ARHGAP42: variants seen among roughly 807,000 people sequenced by gnomAD.
ARHGAP42 encodes rho GTPase-activating protein 42.
In ARHGAP42, 63 loss-of-function variants were observed where a neutral mutation model predicts 125.0. The observed-to-expected ratio is 0.50, with a 90% CI of 0.41 to 0.62. The LOEUF (loss-of-function observed/expected upper bound fraction) is 0.62, where lower values mean the gene tolerates loss of function less well. ARHGAP42 is among the 20% of genes least tolerant of loss of function. The pLI is 0.00. For missense variants in ARHGAP42, 766 were observed against 1,024.2 expected (o/e 0.75, Z 3.44); for synonymous variants, 339 against 351.0 (o/e 0.97, Z 0.38).
At chr11:100,748,358 G>A (rs984632230) in intron 1 of ARHGAP42, among the ~76,000 whole-genome samples, 4 of 151,624 alleles carry the variant, frequency 2.6e-5, no homozygotes, top group African/African-American at 2.4e-5. Flanking sequence ...TACCCATTGT[G>A]TCTTTTTCCC....
intron 4 of ARHGAP42, among the ~76,000 whole-genome samples, chr11:100,895,171 C>T (rs563542158): frequency 6.6e-6 from 1 of 152,204 alleles, no homozygotes; most frequent in South Asian, 2.1e-4. Context: ...AGTGGTAAAA[C>T]GGAGAGGACA....
intron 1 of ARHGAP42, among the ~76,000 whole-genome samples, chr11:100,769,466 GT>G (rs755191082): frequency 6.6e-6 from 1 of 152,070 alleles, no homozygotes; most frequent in Non-Finnish European, 1.5e-5. Context: ...CTTTTTCTGG[GT>G]TTAGTCAGAC....
chr11:100,749,313 C>G (rs962426075), intron 1 of ARHGAP42, among the ~76,000 whole-genome samples: 1 of 148,962 alleles, frequency 6.7e-6, no homozygotes, highest in African/African-American at 2.5e-5. Flanking sequence ...GCCCCAGAAG[C>G]CTCAACCCCT....
intron 1 of ARHGAP42, among the ~76,000 whole-genome samples, chr11:100,762,970 ATTTTTTTTTTT>A (rs553749625): frequency 4.7e-5 from 4 of 84,992 alleles, no homozygotes; most frequent in African/African-American, 2.0e-4. Flanking sequence ...GTTTATAGTG[ATTTTTTTTTTT>A]TTTTTTTTTT....
chr11:100,811,936 CT>C (rs1453083559), intron 3 of ARHGAP42, among the ~76,000 whole-genome samples: 1 of 152,078 alleles, frequency 6.6e-6, no homozygotes, highest in Admixed American at 6.6e-5. Context: ...TTTTCAATTT[CT>C]TTTTTAAAAC....
chr11:100,715,775 G>A (rs1191440629), intron 1 of ARHGAP42, among the ~76,000 whole-genome samples: 1 of 152,158 alleles, frequency 6.6e-6, no homozygotes, highest in Non-Finnish European at 1.5e-5. Context: ...GATTGATACT[G>A]GTGCACTGTA....
intron 17 of ARHGAP42, among the ~76,000 whole-genome samples, chr11:100,968,601 T>C (rs1565299660): frequency 6.6e-6 from 1 of 152,174 alleles, no homozygotes; most frequent in Non-Finnish European, 1.5e-5. Context: ...TAATGCTTCT[T>C]AATGAAGTTG....
intron 4 of ARHGAP42, among the ~76,000 whole-genome samples, chr11:100,865,835 G>A (rs1227931167): frequency 6.6e-6 from 1 of 152,138 alleles, no homozygotes; most frequent in Non-Finnish European, 1.5e-5. Context: ...GAAGGATCTT[G>A]CCTCGATGTT....
chr11:100,986,056 TCTCA>T (rs758331075), intron 22 of ARHGAP42: 1 of 456,698 alleles, frequency 2.2e-6, no homozygotes, highest in South Asian at 1.5e-5. Flanking sequence ...CTTTCCTTTT[TCTCA>T]CTCATTCATT....
At chr11:100,984,108 C>A (rs543103461) in intron 22 of ARHGAP42, among the ~76,000 whole-genome samples, 12 of 150,028 alleles carry the variant, frequency 8.0e-5, no homozygotes, top group Admixed American at 4.7e-4. Flanking sequence ...CCCAGTGAGA[C>A]CCTGTCTAAA....
chr11:100,834,655 T>C (rs1295486140), intron 3 of ARHGAP42, among the ~76,000 whole-genome samples: 1 of 151,962 alleles, frequency 6.6e-6, no homozygotes, highest in African/African-American at 2.4e-5. Flanking sequence ...CCCATTAGTA[T>C]TGGGGGCACT....
chr11:100,881,421 T>C (rs1182417568), intron 4 of ARHGAP42, among the ~76,000 whole-genome samples: 1 of 152,252 alleles, frequency 6.6e-6, no homozygotes, highest in African/African-American at 2.4e-5. Context: ...TTCCCTATTC[T>C]TTTCCATTGG....
At chr11:100,798,171 T>C (rs995134317) in intron 3 of ARHGAP42, among the ~76,000 whole-genome samples, 1 of 152,216 alleles carries the variant, frequency 6.6e-6, no homozygotes, top group African/African-American at 2.4e-5. Flanking sequence ...GTGAAGATAC[T>C]GTGAATATTG....
chr11:100,758,206 TTTTGGAGG>T (rs1862619138), intron 1 of ARHGAP42, among the ~76,000 whole-genome samples: 1 of 152,108 alleles, frequency 6.6e-6, no homozygotes, highest in Non-Finnish European at 1.5e-5. Context: ...TTGGGAAAAT[TTTTGGAGG>T]TTTGTGTGAA....
At chr11:100,871,343 C>A (rs1706353136) in intron 4 of ARHGAP42, among the ~76,000 whole-genome samples, 1 of 151,534 alleles carries the variant, frequency 6.6e-6, no homozygotes, top group African/African-American at 2.4e-5. Flanking sequence ...GTCAGGAGTT[C>A]GAGACCAGCC....
intron 1 of ARHGAP42, among the ~76,000 whole-genome samples, chr11:100,734,531 T>A (rs1212497765): frequency 1.3e-5 from 2 of 152,252 alleles, no homozygotes; most frequent in East Asian, 3.9e-4. Flanking sequence ...TCCGCCCTAC[T>A]TGGCCTCCCA....
At chr11:100,912,960 G>C (rs895115242) in intron 4 of ARHGAP42, among the ~76,000 whole-genome samples, 1 of 152,146 alleles carries the variant, frequency 6.6e-6, no homozygotes, top group Non-Finnish European at 1.5e-5. Flanking sequence ...GGTGTCTTTT[G>C]TGGCTAAGAA....
intron 7 of ARHGAP42, among the ~76,000 whole-genome samples, chr11:100,935,631 T>C (rs978293383): frequency 5.3e-5 from 8 of 150,486 alleles, no homozygotes; most frequent in African/African-American, 2.0e-4. Context: ...AGTAATAATG[T>C]TAGAGTGTGA....
At position 100,860,314 on chromosome 11, in the gene ARHGAP42, T is replaced by C. The variant is rs576803177; in HGVS notation, c.384+689T>C. Among the ~76,000 whole-genome samples, 22 of 152,298 alleles carry C rather than the reference T, an allele frequency of 1.4e-4. No individual in the cohort carries two copies. In the South Asian group the frequency reaches 4.1e-3, roughly 29 times the overall value. ...AGTGCTGTCCATTCTAATGCAGAAT[T>C]ATTTCTACTCCTTTCCTCTTTACGT... On this transcript the variant is annotated intron_variant, in intron 4 of 23. Coordinates refer to ENST00000298815, the MANE Select transcript of ARHGAP42 (RefSeq NM_152432.4).
Sources: allele counts gnomAD v4.1 joint callset (sites outside exome capture counted in the v4.1 genomes callset), GRCh38; gene constraint gnomAD v4.1.1; transcripts MANE v1.5; gene names NCBI Gene and HGNC (gene_info 2026-07-23, HGNC 2026-07-21).